Variants in LRCH2 observed in about 807,000 individuals in gnomAD.
LRCH2 encodes leucine rich repeats and calponin homology domain containing 2.
A neutral mutation model predicts 68.9 loss-of-function variants in LRCH2; 38 were observed. That is an observed-to-expected ratio of 0.55 (90% CI 0.43 to 0.72). LRCH2 has a LOEUF of 0.72. Ranked by LOEUF, LRCH2 falls within the 30% of genes least tolerant of loss-of-function variation. LRCH2 has a pLI of 0.00. For missense variants in LRCH2, 528 were observed against 572.9 expected (o/e 0.92, Z 0.80); for synonymous variants, 191 against 208.1 (o/e 0.92, Z 0.71).
At chrX:115,156,374 TC>T (rs2072474916) in intron 12 of LRCH2, among the ~76,000 whole-genome samples, 1 of 111,693 alleles carries the variant, frequency 9.0e-6, no homozygotes, top group Non-Finnish European at 1.9e-5. Flanking sequence ...AATAAATGAT[TC>T]TATCAAGACA....
intron 20 of LRCH2, among the ~76,000 whole-genome samples, chrX:115,120,864 C>T (rs2147343652): frequency 9.3e-6 from 1 of 107,903 alleles, no homozygotes; most frequent in Admixed American, 1.0e-4. Context: ...AGTTCATGTC[C>T]TTTGTAGGGA....
intron 15 of LRCH2, among the ~76,000 whole-genome samples, chrX:115,129,789 T>G (rs1160221530): frequency 9.0e-6 from 1 of 111,651 alleles, no homozygotes; most frequent in African/African-American, 3.3e-5. Context: ...TAAAATAGCA[T>G]GCAGAATTTG....
intron 3 of LRCH2, among the ~76,000 whole-genome samples, chrX:115,182,044 G>C (rs1226677828): frequency 9.9e-5 from 11 of 111,366 alleles, no homozygotes; most frequent in Non-Finnish European, 2.1e-4. Context: ...ATGATTTAAA[G>C]TATATGGGAG....
chrX:115,187,596 C>A (rs1172872088), intron 2 of LRCH2, among the ~76,000 whole-genome samples: 1 of 112,091 alleles, frequency 8.9e-6, no homozygotes, highest in East Asian at 2.8e-4. Flanking sequence ...GCAGGGATAA[C>A]AATGGTACCT....
chrX:115,161,708 T>G (rs1315439419), intron 11 of LRCH2, among the ~76,000 whole-genome samples: 3 of 110,939 alleles, frequency 2.7e-5, no homozygotes, highest in Non-Finnish European at 3.8e-5. Context: ...TTTGTACTGA[T>G]TACAAAACTA....
intron 14 of LRCH2, among the ~76,000 whole-genome samples, chrX:115,135,122 CTTTT>C (rs35620352): frequency 1.1e-5 from 1 of 88,210 alleles, no homozygotes; most frequent in Non-Finnish European, 2.2e-5. Context: ...TCTTTTCTTT[CTTTT>C]TTTTTTTTTT....
At chrX:115,163,604 T>C (rs1262871907) in intron 11 of LRCH2, 72 bp downstream of exon 11, 6 of 751,005 alleles carry the variant, frequency 8.0e-6, no homozygotes, top group Non-Finnish European at 1.2e-5. Flanking sequence ...TCATATACTT[T>C]GATAATCTTT....
chrX:115,137,561 A>T (rs1411731700), intron 14 of LRCH2, among the ~76,000 whole-genome samples: 1 of 110,466 alleles, frequency 9.1e-6, no homozygotes, highest in Non-Finnish European at 1.9e-5. Context: ...ATCAAGAAGG[A>T]AGATGTGGTC....
intron 14 of LRCH2, among the ~76,000 whole-genome samples, chrX:115,135,351 A>G (rs1266072554): frequency 1.8e-5 from 2 of 108,669 alleles, no homozygotes; most frequent in Non-Finnish European, 3.8e-5. Context: ...CTGGTCTCAA[A>G]CTCCTGAGCT....
intron 20 of LRCH2, among the ~76,000 whole-genome samples, chrX:115,113,906 G>T (rs1556523388): frequency 9.0e-6 from 1 of 110,899 alleles, no homozygotes; most frequent in African/African-American, 3.3e-5. Flanking sequence ...CATTCCAAAT[G>T]TTTCCAAGGG....
At chrX:115,194,172 C>T (rs1268363676) in intron 1 of LRCH2, among the ~76,000 whole-genome samples, 2 of 111,058 alleles carry the variant, frequency 1.8e-5, no homozygotes, top group African/African-American at 6.6e-5. Flanking sequence ...GATATATATT[C>T]TCATTCTTAA....
Position 115,179,543 on chromosome X carries a change from C to T in LRCH2, c.748G>A (p.Val250Ile). Residue 250 changes from valine (V) to isoleucine (I), a missense_variant, in exon 5 of 21, where the codon GTC (valine) becomes ATC (isoleucine). Val to Ile is a conservative substitution (Grantham distance 29). Coordinates refer to ENST00000317135, the MANE Select transcript of LRCH2 (RefSeq NM_020871.4). ...TTATTACAAGAGAAATCCAGCTTGA[C>T]TAAGGGAAGGTCTCCTAATTCTGGT... is the stretch of plus-strand genomic sequence containing the variant. ...LPDELGDLPLVKLDFSCNKVT... is the reference protein window; with the variant it reads ...LPDELGDLPLIKLDFSCNKVT... The T allele has an allele frequency of 1.8e-6, 2 of 1,139,199 alleles. No homozygotes were observed. Among genetic ancestry groups the T allele is most frequent in the East Asian group, 6.7e-5 (2 of 29,945 alleles). 93.9% of individuals were successfully genotyped at this position (1,139,199 alleles called of 1,213,427 possible).
chrX:115,170,431 A>G lies in LRCH2; in HGVS notation c.866T>C (p.Ile289Thr). The change falls in exon 6 of 21, where the codon ATA (isoleucine) becomes ACA (threonine). Residue 289 changes from isoleucine (I) to threonine (T), a missense_variant and splice_region_variant. By Grantham distance (89) the Ile-to-Thr change is moderately conservative. Coordinates refer to ENST00000317135, the MANE Select transcript of LRCH2 (RefSeq NM_020871.4). Reference sequence around the variant, plus strand: ...TATGTGCACCTTACCCTTTAAACATATCTGTCAATAAAAAATAAAGATTTA... The same window carrying G: ...TATGTGCACCTTACCCTTTAAACATGTCTGTCAATAAAAAATAAAGATTTA... ...NNPLQVPPAQ[I>T]CLKGKVHIFK... 9.1e-7 allele frequency: 1 copy of G among 1,096,726 alleles called. No individual in the cohort carries two copies. Among genetic ancestry groups the G allele is most frequent in the Non-Finnish European group, 1.2e-6 (1 of 836,299 alleles). The allele number at this position is 1,096,726 out of a possible 1,213,427, so 90.4% of individuals were successfully genotyped here.
intron 14 of LRCH2, among the ~76,000 whole-genome samples, chrX:115,133,878 C>A (rs2072266823): frequency 9.0e-6 from 1 of 111,695 alleles, no homozygotes; most frequent in Non-Finnish European, 1.9e-5. Context: ...AATAGTATGT[C>A]TTTCCCTTTA....
chrX:115,190,903 C>T lies in LRCH2; in HGVS notation c.350-2533G>A. 2.6e-6 allele frequency: 3 copies of T among 1,161,557 alleles called. No homozygotes were observed. The highest frequency in any genetic ancestry group is 3.4e-6 in the Non-Finnish European group (3 of 871,124). On this transcript the variant is annotated intron_variant, in intron 1 of 20. Coordinates refer to ENST00000317135, the MANE Select transcript of LRCH2 (RefSeq NM_020871.4). ...GGATGCCAACAGTGGAGGCTGCTCG[C>T]CCGAGGCCTACAGTGGGGGCCACGA... is the stretch of plus-strand genomic sequence containing the variant.
intron 11 of LRCH2, among the ~76,000 whole-genome samples, chrX:115,157,643 C>A (rs908708135): frequency 3.7e-5 from 4 of 108,482 alleles, no homozygotes; most frequent in Non-Finnish European, 7.6e-5. Context: ...GAATTAAGGA[C>A]ACTTCTTCTT....
Position 115,223,664 on chromosome X carries a change from C to T in LRCH2, c.349+10029G>A, listed in dbSNP as rs150793302. 1.4e-4 allele frequency among the ~76,000 whole-genome samples: 15 copies of T among 110,000 alleles called. No homozygotes were observed. In the East Asian group the frequency reaches 4.0e-3, roughly 30 times the overall value. On this transcript the variant is annotated intron_variant, in intron 1 of 20. Transcript: ENST00000317135. ...GGCACGGTGGCTCACGCTTGTAATC[C>T]CAACACTCTGGGAAGCTGAGGCAGG... is the stretch of plus-strand genomic sequence containing the variant.
intron 10 of LRCH2, 70 bp downstream of exon 10, chrX:115,165,335 T>C: frequency 1.3e-6 from 1 of 773,466 alleles, no homozygotes; most frequent in Non-Finnish European, 1.8e-6. Context: ...TCAAGTACTC[T>C]TTCAAGTAGG....
At position 115,190,141 on chromosome X, in the gene LRCH2, T is replaced by C. The variant is rs954415345; in HGVS notation, c.350-1771A>G. On this transcript the variant is annotated intron_variant, in intron 1 of 20. Transcript: ENST00000317135. ...CCCGGCCGTGTGGGGGCAAGATGGC[T>C]ACTCAGGCCCGCGGGTCCGGGAGCC... 62 of 1,160,638 alleles carry C rather than the reference T, an allele frequency of 5.3e-5. No individual in the cohort carries two copies. In the Middle Eastern group the frequency reaches 7.0e-4, roughly 13 times the overall value.
Sources: allele counts gnomAD v4.1 joint callset (sites outside exome capture counted in the v4.1 genomes callset), GRCh38; gene constraint gnomAD v4.1.1; transcripts MANE v1.5; gene names NCBI Gene and HGNC (gene_info 2026-07-23, HGNC 2026-07-21).